Variants in ATAD1 observed in about 807,000 individuals in gnomAD.
ATAD1 encodes the protein ATPase family AAA domain containing 1, also known as outer mitochondrial transmembrane helix translocase.
In ATAD1, 18 loss-of-function variants were observed where a neutral mutation model predicts 42.7. The ratio of observed to expected loss-of-function variants is 0.42; its 90% CI spans 0.29 to 0.63. ATAD1 has a LOEUF of 0.63. ATAD1 is among the 20% of genes least tolerant of loss of function. ATAD1 has a pLI of 0.19. For missense variants in ATAD1, 294 were observed against 440.4 expected (o/e 0.67, Z 2.98); for synonymous variants, 132 against 143.1 (o/e 0.92, Z 0.55).
intron 7 of ATAD1, 84 bp downstream of exon 7, chr10:87,770,868 A>T: frequency 1.6e-6 from 2 of 1,274,330 alleles, no homozygotes; most frequent in South Asian, 2.7e-5. Flanking sequence ...TATATGACAA[A>T]ATATTCCCTT....
At chr10:87,784,718 A>C in intron 4 of ATAD1, 48 bp from the exon 5 acceptor site, 1 of 1,525,664 alleles carries the variant, frequency 6.6e-7, no homozygotes. Context: ...TATTTGCTTC[A>C]ATTTATATGA....
chr10:87,833,778 A>AGTG (rs1160550725), intron 1 of ATAD1, among the ~76,000 whole-genome samples: 5 of 123,344 alleles, frequency 4.1e-5, no homozygotes, highest in Non-Finnish European at 1.6e-5. Context: ...CCCAGGCTGG[A>AGTG]GTGCAGTGGC....
chr10:87,762,527 C>T (rs930884633), intron 8 of ATAD1, among the ~76,000 whole-genome samples: 1 of 151,476 alleles, frequency 6.6e-6, no homozygotes, highest in African/African-American at 2.4e-5. Flanking sequence ...TACAGTGGCG[C>T]GATCTCGGCT....
intron 2 of ATAD1, among the ~76,000 whole-genome samples, chr10:87,807,214 T>C (rs1856966706): frequency 6.6e-6 from 1 of 152,160 alleles, no homozygotes; most frequent in Non-Finnish European, 1.5e-5. Flanking sequence ...TATACCAACA[T>C]TTATACAAAT....
chr10:87,803,663 A>G (rs1219300559), intron 2 of ATAD1, among the ~76,000 whole-genome samples: 5 of 152,142 alleles, frequency 3.3e-5, no homozygotes, highest in Non-Finnish European at 7.3e-5. Flanking sequence ...TATAAAACCA[A>G]ACTGCTCTGA....
chr10:87,828,824 G>T (rs564959686), intron 1 of ATAD1, among the ~76,000 whole-genome samples: 3 of 152,278 alleles, frequency 2.0e-5, no homozygotes, highest in East Asian at 3.9e-4. Flanking sequence ...AAATCCTAGG[G>T]ACTTAAGAGT....
At chr10:87,831,535 C>T (rs953188935) in intron 1 of ATAD1, among the ~76,000 whole-genome samples, 3 of 152,162 alleles carry the variant, frequency 2.0e-5, no homozygotes, top group African/African-American at 7.2e-5. Context: ...TTGCTAGTAA[C>T]CACCCTTTTG....
At chr10:87,759,660 C>T in intron 8 of ATAD1, 1 of 377,230 alleles carries the variant, frequency 2.7e-6, no homozygotes, top group South Asian at 2.0e-5. Flanking sequence ...AAGAAGATTC[C>T]AGTCACTGGG....
intron 2 of ATAD1, among the ~76,000 whole-genome samples, chr10:87,796,017 A>C (rs1856370317): frequency 6.6e-6 from 1 of 152,208 alleles, no homozygotes; most frequent in African/African-American, 2.4e-5. Flanking sequence ...GCTTTTTAAA[A>C]ATGCATTTAA....
intron 1 of ATAD1, among the ~76,000 whole-genome samples, chr10:87,824,933 T>A (rs573053064): frequency 7.7e-4 from 117 of 152,306 alleles, no homozygotes; most frequent in African/African-American, 2.5e-3. Context: ...CCAAAGATAA[T>A]AAAGTTTAAC....
At position 87,776,426 on chromosome 10, in the gene ATAD1, G is replaced by A; in HGVS notation, c.585C>T (p.Asp195=). The A allele has an allele frequency of 1.9e-6, 3 of 1,608,800 alleles. No homozygotes were observed. Among genetic ancestry groups the A allele is most frequent in the Non-Finnish European group, 2.6e-6 (3 of 1,175,854 alleles). ...AACTTGAACGGTTTCGTAGAAAGGA[G>A]TCTAGAAGTAAAAGGTCCTTAACCT... ...QPSIIFIDEI[D]SFLRNRSSSD... The change falls in exon 6 of 10, where the codon GAC becomes GAT. Residue 195 remains aspartate, a splice_region_variant and synonymous_variant. Coordinates refer to ENST00000680024, the MANE Select transcript of ATAD1 (RefSeq NM_001321967.2).
At chr10:87,789,293 G>C (rs527519468) in intron 4 of ATAD1, among the ~76,000 whole-genome samples, 1 of 152,304 alleles carries the variant, frequency 6.6e-6, no homozygotes, top group South Asian at 2.1e-4. Context: ...TTAGATAAGA[G>C]TTTCTGCTAG....
intron 4 of ATAD1, among the ~76,000 whole-genome samples, chr10:87,787,157 C>A (rs1049766884): frequency 6.6e-6 from 1 of 152,154 alleles, no homozygotes; most frequent in African/African-American, 2.4e-5. Context: ...GCTTTGCAAC[C>A]TTTAAATTAG....
intron 2 of ATAD1, among the ~76,000 whole-genome samples, chr10:87,808,893 C>T (rs1392980431): frequency 2.0e-5 from 3 of 152,114 alleles, no homozygotes; most frequent in Non-Finnish European, 4.4e-5. Flanking sequence ...TGTAGTTATG[C>T]TAGCCTCACA....
At chr10:87,756,151 A>T (rs1854213420) in intron 9 of ATAD1, among the ~76,000 whole-genome samples, 1 of 152,238 alleles carries the variant, frequency 6.6e-6, no homozygotes, top group Admixed American at 6.5e-5. Context: ...AGACAAAGGG[A>T]CAAGAGTTGG....
chr10:87,754,801 G>T lies in ATAD1; in HGVS notation c.972C>A (p.Asp324Glu), dbSNP rs773067639. 2 of 1,611,512 alleles carry T rather than the reference G, an allele frequency of 1.2e-6. No homozygotes were observed. Among genetic ancestry groups the T allele is most frequent in the Middle Eastern group, 1.7e-4 (1 of 6,042 alleles). ...YVNSTSEESHDEDEIRPVQQQ... is the reference protein window; with the variant it reads ...YVNSTSEESHEEDEIRPVQQQ... The stretch of plus-strand genomic sequence containing the variant: ...GTTGAACAGGCCGAATTTCATCTTC[G>T]TCATGGCTAAAATGCAAACAAAACC... The change falls in exon 10 of 10, where the codon GAC (aspartate) becomes GAA (glutamate). Residue 324 changes from aspartate to glutamate, a missense_variant. Asp to Glu is a conservative substitution (Grantham distance 45). Coordinates refer to ENST00000680024, the MANE Select transcript of ATAD1 (RefSeq NM_001321967.2).
At chr10:87,779,426 T>C (rs1215497315) in intron 5 of ATAD1, among the ~76,000 whole-genome samples, 2 of 152,178 alleles carry the variant, frequency 1.3e-5, no homozygotes, top group South Asian at 4.1e-4. Context: ...ACATACCTGG[T>C]AAAGGACTTG....
rs1854124253 is a variant in ATAD1, at chr10:87,754,262, C to T, written c.*425G>A. The T allele has an allele frequency of 6.6e-6, 1 of 152,668 alleles. No homozygotes were observed. The highest frequency in any genetic ancestry group is 1.5e-5 in the Non-Finnish European group (1 of 68,128). The allele number at this position is 152,668 out of a possible 1,614,324, so 9.5% of individuals were successfully genotyped here. Reference sequence around the variant, plus strand: ...ATATTCAAACATATCTACAGAATGTCAATATAAAATGTGTGGATATATACA... The same window carrying T: ...ATATTCAAACATATCTACAGAATGTTAATATAAAATGTGTGGATATATACA... On this transcript the variant is annotated 3_prime_UTR_variant, in exon 10 of 10. Transcript: ENST00000680024.
chr10:87,832,499 C>T (rs917519198), intron 1 of ATAD1, among the ~76,000 whole-genome samples: 10 of 151,762 alleles, frequency 6.6e-5, no homozygotes, highest in African/African-American at 2.4e-4. Context: ...TTCACCAATA[C>T]TAGATTATGT....
Sources: allele counts gnomAD v4.1 joint callset (sites outside exome capture counted in the v4.1 genomes callset), GRCh38; gene constraint gnomAD v4.1.1; transcripts MANE v1.5; gene names NCBI Gene and HGNC (gene_info 2026-07-23, HGNC 2026-07-21).